CASK: variants seen among roughly 807,000 people sequenced by gnomAD.
CASK encodes calcium/calmodulin dependent serine protein kinase.
A neutral mutation model predicts 82.9 loss-of-function variants in CASK; 4 were observed. The ratio of observed to expected loss-of-function variants is 0.05; its 90% CI spans 0.02 to 0.11. The LOEUF (loss-of-function observed/expected upper bound fraction) is 0.11. Ranked by LOEUF, CASK falls within the 10% of genes least tolerant of loss-of-function variation. The probability of loss-of-function intolerance (pLI) is 1.00; values close to 1 mark genes in which losing one functional copy is unlikely to be tolerated. For missense variants in CASK, 358 were observed against 720.9 expected, an observed-to-expected ratio of 0.50 and a Z score of 5.76; for synonymous variants, 259 against 253.5, an observed-to-expected ratio of 1.02 and a Z score of -0.20.
chrX:41,712,566 C>T (rs1417602098), intron 5 of CASK, among the ~76,000 whole-genome samples: 1 of 112,658 alleles, frequency 8.9e-6, no homozygotes, highest in African/African-American at 3.2e-5. Context: ...CTGTCCTTGT[C>T]CATTACTGGG....
chrX:41,523,837 C>T (rs1602207343), intron 26 of CASK, 114 bp downstream of exon 26: 2 of 587,812 alleles, frequency 3.4e-6, no homozygotes, highest in East Asian at 3.6e-5. Flanking sequence ...TATTCCACAT[C>T]CCATTTCATC....
chrX:41,688,294 T>C (rs193231554), intron 5 of CASK, among the ~76,000 whole-genome samples: 1 of 111,558 alleles, frequency 9.0e-6, no homozygotes, highest in Admixed American at 9.6e-5. Context: ...ATAACAATTA[T>C]GGGGAGAATA....
intron 2 of CASK, among the ~76,000 whole-genome samples, chrX:41,828,369 G>A (rs189372280): frequency 2.1e-3 from 229 of 111,518 alleles, no homozygotes; most frequent in African/African-American, 7.1e-3. Context: ...ATACTAAAAA[G>A]ACAAAAGGTT....
intron 2 of CASK, among the ~76,000 whole-genome samples, chrX:41,828,711 C>T (rs1453328449): frequency 8.9e-6 from 1 of 111,802 alleles, no homozygotes; most frequent in African/African-American, 3.2e-5. Flanking sequence ...CAACACAAGG[C>T]CAGTTCAAAT....
chrX:41,748,090 T>C (rs1281368820), intron 3 of CASK: 1 of 111,882 alleles, frequency 8.9e-6, no homozygotes, highest in Non-Finnish European at 1.9e-5. Flanking sequence ...AATTGTGATA[T>C]ATGAGGGTAA....
chrX:41,595,867 T>TA (rs1260240065), intron 12 of CASK, among the ~76,000 whole-genome samples: 1 of 111,581 alleles, frequency 9.0e-6, no homozygotes, highest in African/African-American at 3.3e-5. Flanking sequence ...AAAAAAGCTG[T>TA]AAAAAATTCT....
At chrX:41,740,138 G>A (rs2068569668) in intron 4 of CASK, among the ~76,000 whole-genome samples, 1 of 111,445 alleles carries the variant, frequency 9.0e-6, no homozygotes, top group Admixed American at 9.5e-5. Flanking sequence ...AATGGTAATG[G>A]GGTTAACTAG....
intron 12 of CASK, among the ~76,000 whole-genome samples, chrX:41,600,870 GACAA>G (rs1569331660): frequency 1.8e-5 from 2 of 111,771 alleles, no homozygotes; most frequent in East Asian, 2.8e-4. Flanking sequence ...TGGATGAGTA[GACAA>G]ACAAAATGTA....
chrX:41,654,514 T>C (rs953157321), intron 8 of CASK, among the ~76,000 whole-genome samples: 2 of 109,392 alleles, frequency 1.8e-5, no homozygotes, highest in South Asian at 7.9e-4. Context: ...CTAATAAAAA[T>C]ACAAAAAAAT....
chrX:41,853,782 C>T lies in CASK; in HGVS notation c.60-555G>A, dbSNP rs760314770. 5.4e-5 allele frequency among the ~76,000 whole-genome samples: 6 copies of T among 112,000 alleles called. No homozygotes were observed. In the South Asian group the frequency reaches 2.2e-3, roughly 41 times the overall value. On this transcript the variant is annotated intron_variant, in intron 1 of 26. Transcript: ENST00000378163. The stretch of plus-strand genomic sequence containing the variant: ...CACTGAAAAACTTGTTTCTCCCATT[C>T]ATTCTTGTAATGATATTTAAAAAAT...
At chrX:41,575,903 G>C (rs1256177794) in intron 15 of CASK, among the ~76,000 whole-genome samples, 1 of 110,963 alleles carries the variant, frequency 9.0e-6, no homozygotes, top group Non-Finnish European at 1.9e-5. Context: ...ACCATTTTAC[G>C]CTTTCTGAAA....
intron 5 of CASK, among the ~76,000 whole-genome samples, chrX:41,675,195 G>A (rs754055594): frequency 2.7e-5 from 3 of 112,236 alleles, no homozygotes; most frequent in African/African-American, 9.7e-5. Context: ...AGAGTAAAAT[G>A]GGTCACAACT....
In CASK at chrX:41,854,215, C is replaced by T. The variant is rs867747352; in HGVS notation, c.60-988G>A. 5.4e-4 allele frequency among the ~76,000 whole-genome samples: 46 copies of T among 85,657 alleles called. No individual in the cohort carries two copies. The East Asian group carries it at 6.3e-3, about 12-fold the overall frequency. The allele number at this position is 85,657 out of a possible 115,157, so 74.4% of individuals were successfully genotyped here. On this transcript the variant is annotated intron_variant, in intron 1 of 26. Transcript: ENST00000378163. The stretch of plus-strand genomic sequence containing the variant: ...GGTCCAGGGAACATGCGCGCGCGCG[C>T]GGGCGCGCGCACACACACACACACA...
At chrX:41,608,777 T>C (rs911062296) in intron 12 of CASK, among the ~76,000 whole-genome samples, 12 of 112,387 alleles carry the variant, frequency 1.1e-4, no homozygotes, top group African/African-American at 3.9e-4. Context: ...ATTGAATCTA[T>C]GGAACAAAAC....
intron 5 of CASK, among the ~76,000 whole-genome samples, chrX:41,712,344 T>C (rs1259303396): frequency 9.8e-5 from 11 of 112,408 alleles, no homozygotes; most frequent in Non-Finnish European, 1.9e-5. Flanking sequence ...TTATCTCTAA[T>C]AGCTAAATGA....
intron 7 of CASK, among the ~76,000 whole-genome samples, chrX:41,661,854 T>C: frequency 9.0e-6 from 1 of 110,972 alleles, no homozygotes; most frequent in East Asian, 2.9e-4. Context: ...AGTGAAATTG[T>C]GGTCAACTGA....
chrX:41,805,720 G>A (rs1299824552), intron 2 of CASK, among the ~76,000 whole-genome samples: 1 of 111,404 alleles, frequency 9.0e-6, no homozygotes, highest in Non-Finnish European at 1.9e-5. Flanking sequence ...AGAGCCAGGA[G>A]TAGCCAAATG....
At chrX:41,650,827 C>G (rs1331874805) in intron 8 of CASK, among the ~76,000 whole-genome samples, 1 of 111,499 alleles carries the variant, frequency 9.0e-6, no homozygotes, top group Non-Finnish European at 1.9e-5. Context: ...AAAAATACCT[C>G]TTACATCCAC....
At chrX:41,695,065 A>T (rs1235032679) in intron 5 of CASK, among the ~76,000 whole-genome samples, 1 of 111,549 alleles carries the variant, frequency 9.0e-6, no homozygotes, top group Non-Finnish European at 1.9e-5. Flanking sequence ...CTTCACCACC[A>T]TCTGTATTCC....
Sources: gnomAD v4.1 joint callset for allele counts (sites outside exome capture counted in the v4.1 genomes callset) on GRCh38, gnomAD v4.1.1 for gene constraint, MANE v1.5 for transcripts, NCBI Gene and HGNC (gene_info 2026-07-23, HGNC 2026-07-21) for gene names.